The following SPRED1 variants were observed in gnomAD, a reference collection of about 807,000 sequenced individuals.
SPRED1 encodes sprouty-related, EVH1 domain-containing protein 1.
Under a neutral mutation model 52.3 loss-of-function variants are expected in SPRED1, and 18 were observed. The ratio of observed to expected loss-of-function variants is 0.34; its 90% CI spans 0.24 to 0.51. The LOEUF is 0.51. Ranked by LOEUF, SPRED1 falls within the 20% of genes least tolerant of loss-of-function variation. The pLI is 0.97. For synonymous variants in SPRED1, 155 were observed against 179.7 expected (o/e 0.86, Z 1.10); for missense variants, 485 against 551.0 (o/e 0.88, Z 1.20).
intron 4 of SPRED1, among the ~76,000 whole-genome samples, chr15:38,328,939 C>G (rs1895760646): frequency 6.6e-6 from 1 of 152,188 alleles, no homozygotes; most frequent in Non-Finnish European, 1.5e-5. Flanking sequence ...TGGTCTCAAA[C>G]TCCTGGGCTC....
At chr15:38,342,043 T>C (rs112175009) in intron 5 of SPRED1, among the ~76,000 whole-genome samples, 33 of 120,782 alleles carry the variant, frequency 2.7e-4, no homozygotes, top group South Asian at 8.3e-4. Context: ...TTTTTTTTTT[T>C]CCCCCAGGGT....
intron 1 of SPRED1, among the ~76,000 whole-genome samples, chr15:38,286,394 A>G (rs1241855764): frequency 1.3e-5 from 2 of 152,088 alleles, no homozygotes; most frequent in African/African-American, 4.8e-5. Flanking sequence ...CCTCTATCTA[A>G]CCACTATATT....
chr15:38,269,121 T>C (rs1245044053), intron 1 of SPRED1, among the ~76,000 whole-genome samples: 1 of 152,036 alleles, frequency 6.6e-6, no homozygotes, highest in Non-Finnish European at 1.5e-5. Flanking sequence ...TTGGTATTTT[T>C]AGTAGAGACG....
chr15:38,338,966 G>C (rs1895976837), intron 4 of SPRED1, among the ~76,000 whole-genome samples: 1 of 152,068 alleles, frequency 6.6e-6, no homozygotes, highest in Non-Finnish European at 1.5e-5. Context: ...GAATAAGCTA[G>C]TGAAAGTATT....
chr15:38,336,380 A>ATGTGTGTGTGTGTGTGTGTGTG lies in SPRED1; in HGVS notation c.424-3351_424-3330dup, dbSNP rs35912838. Among the ~76,000 whole-genome samples, 1,057 of 134,244 alleles carry ATGTGTGTGTGTGTGTGTGTGTG rather than the reference A, an allele frequency of 7.9e-3. 12 individuals carry two copies. The highest frequency in any genetic ancestry group is 0.026 in the Middle Eastern group (7 of 268). 88.1% of individuals were successfully genotyped at this position (134,244 alleles called of 152,430 possible). On this transcript the variant is annotated intron_variant, in intron 4 of 6. Transcript: ENST00000299084. ...ATCAATCAATGAGTGGATAAAGAAA[A>ATGTGTGTGTGTGTGTGTGTGTG]TGTGTGTGTGTGTGTGTGTGTGTGT...
At chr15:38,348,627 T>C (rs1896190722) in intron 5 of SPRED1, among the ~76,000 whole-genome samples, 1 of 152,090 alleles carries the variant, frequency 6.6e-6, no homozygotes, top group South Asian at 2.1e-4. Flanking sequence ...GTTTATTAAG[T>C]ATGTAACAGT....
rs202069514 is a variant in SPRED1 at position 38,339,705 on chromosome 15, G to A, written c.424-32G>A. 1.3e-5 allele frequency: 21 copies of A among 1,609,486 alleles called. No homozygotes were observed. The East Asian group carries it at 4.5e-4, about 34-fold the overall frequency. ...TGTGGTGGTGGTGGTTTTTATTCTG[G>A]CAACTAATGCATTGAGGGTTGTTCC... On this transcript the variant is annotated intron_variant, in intron 4 of 6. Transcript: ENST00000299084.
intron 5 of SPRED1, among the ~76,000 whole-genome samples, chr15:38,341,121 G>C (rs1343029447): frequency 6.8e-6 from 1 of 147,772 alleles, no homozygotes; most frequent in Non-Finnish European, 1.5e-5. Context: ...CAGTAACTTT[G>C]TCTGTTTCAT....
rs181354513 is a variant in SPRED1 at position 38,259,324 on chromosome 15, A to G, written c.32+6107A>G. Among the ~76,000 whole-genome samples, 22 of 152,292 alleles carry G rather than the reference A, an allele frequency of 1.4e-4. No homozygotes were observed. The East Asian group carries it at 2.9e-3, about 20-fold the overall frequency. On this transcript the variant is annotated intron_variant, in intron 1 of 6. Coordinates refer to ENST00000299084, the MANE Select transcript of SPRED1 (RefSeq NM_152594.3). ...TGGAGGGCAGTACAGTGGTATGATC[A>G]TAGCTCACTGCAGCCTTGAACTCCT...
intron 1 of SPRED1, among the ~76,000 whole-genome samples, chr15:38,298,882 A>G (rs893224918): frequency 1.3e-5 from 2 of 152,218 alleles, no homozygotes; most frequent in African/African-American, 4.8e-5. Flanking sequence ...TTAAAAATGT[A>G]GCTAAACTAA....
chr15:38,259,594 T>C (rs1461897460), intron 1 of SPRED1, among the ~76,000 whole-genome samples: 1 of 152,206 alleles, frequency 6.6e-6, no homozygotes, highest in Admixed American at 6.5e-5. Context: ...TGTGGATGAA[T>C]AAGTAAACAA....
intron 1 of SPRED1, among the ~76,000 whole-genome samples, chr15:38,287,275 CATT>C (rs1894830951): frequency 6.6e-6 from 1 of 152,110 alleles, no homozygotes; most frequent in African/African-American, 2.4e-5. Context: ...CTAGTTATCT[CATT>C]ATTCTAGTCT....
chr15:38,287,494 A>G (rs1894834520), intron 1 of SPRED1, among the ~76,000 whole-genome samples: 1 of 152,082 alleles, frequency 6.6e-6, no homozygotes, highest in South Asian at 2.1e-4. Flanking sequence ...CATATATCCC[A>G]TTACTGCTCC....
intron 4 of SPRED1, among the ~76,000 whole-genome samples, chr15:38,337,175 C>G (rs1457038281): frequency 6.6e-6 from 1 of 152,134 alleles, no homozygotes; most frequent in Non-Finnish European, 1.5e-5. Flanking sequence ...GTAGAATTAG[C>G]AATGAGTATG....
intron 1 of SPRED1, among the ~76,000 whole-genome samples, chr15:38,280,927 T>G (rs1481124824): frequency 6.6e-6 from 1 of 152,242 alleles, no homozygotes; most frequent in Non-Finnish European, 1.5e-5. Context: ...TTATTTATTC[T>G]TTTCCAGTAC....
In SPRED1 at chr15:38,351,094, A is replaced by G. The variant is rs765684707; in HGVS notation, c.765A>G (p.Ile255Met). The G allele has an allele frequency of 1.2e-6, 2 of 1,614,028 alleles. No individual in the cohort carries two copies. Among genetic ancestry groups the G allele is most frequent in the Non-Finnish European group, 8.5e-7 (1 of 1,179,984 alleles). ...GAATAAACCCTCGAGATATCTTAAT[A>G]CGTCGCTATGCAGACTACAGACATC... ...IVRINPRDIL[I>M]RRYADYRHPD... Residue 255 changes from isoleucine to methionine, a missense_variant, in exon 7 of 7, where the codon ATA becomes ATG. Physicochemically the swap from Ile to Met is conservative, Grantham distance 10. Coordinates refer to ENST00000299084, the MANE Select transcript of SPRED1 (RefSeq NM_152594.3).
intron 1 of SPRED1, among the ~76,000 whole-genome samples, chr15:38,271,234 G>C (rs992002700): frequency 1.3e-5 from 2 of 152,220 alleles, no homozygotes; most frequent in Admixed American, 1.3e-4. Flanking sequence ...GTAAGGAAAT[G>C]TCTTTTAATT....
At chr15:38,286,177 G>A (rs1446195834) in intron 1 of SPRED1, among the ~76,000 whole-genome samples, 1 of 142,314 alleles carries the variant, frequency 7.0e-6, no homozygotes, top group Non-Finnish European at 1.5e-5. Context: ...TTGAGCTCAG[G>A]AGTTTGAAGC....
intron 5 of SPRED1, among the ~76,000 whole-genome samples, chr15:38,344,230 A>G (rs1272321047): frequency 2.0e-5 from 3 of 152,180 alleles, no homozygotes; most frequent in East Asian, 1.9e-4. Context: ...GGAAGTATGC[A>G]TATCCTGAAC....
Sources: gnomAD v4.1 joint callset for allele counts (sites outside exome capture counted in the v4.1 genomes callset) on GRCh38, gnomAD v4.1.1 for gene constraint, MANE v1.5 for transcripts, NCBI Gene and HGNC (gene_info 2026-07-23, HGNC 2026-07-21) for gene names.